Variants in TRIQK observed in about 807,000 individuals in gnomAD.
The protein encoded by TRIQK is triple QxxK/R motif-containing protein.
A neutral mutation model predicts 10.8 loss-of-function variants in TRIQK; 10 were observed. The ratio of observed to expected loss-of-function variants is 0.92; its 90% CI spans 0.57 to 1.57. The LOEUF (loss-of-function observed/expected upper bound fraction) is 1.57. Ranked by LOEUF, TRIQK falls within the 40% of genes most tolerant of loss-of-function variation. The pLI is 0.00. For synonymous variants in TRIQK, 33 were observed against 33.7 expected (o/e 0.98, Z 0.07); for missense variants, 107 against 97.7 (o/e 1.09, Z -0.40).
chr8:92,927,645 C>T (rs2130530220), intron 2 of TRIQK, among the ~76,000 whole-genome samples: 1 of 152,072 alleles, frequency 6.6e-6, no homozygotes, highest in South Asian at 2.1e-4. Context: ...AACTGAAAGA[C>T]CAGGATAATG....
intron 1 of TRIQK, among the ~76,000 whole-genome samples, chr8:92,996,157 T>A (rs1406775857): frequency 6.6e-6 from 1 of 152,074 alleles, no homozygotes; most frequent in Non-Finnish European, 1.5e-5. Flanking sequence ...TTGATTGTAC[T>A]TGGAATTAAA....
chr8:92,972,987 A>G (rs1429622216), intron 1 of TRIQK: 1 of 152,216 alleles, frequency 6.6e-6, no homozygotes, highest in Non-Finnish European at 1.5e-5. Flanking sequence ...GTTCTCTACT[A>G]TTTCTTGTGA....
At chr8:92,986,750 A>G (rs199584376) in intron 1 of TRIQK, among the ~76,000 whole-genome samples, 1 of 152,210 alleles carries the variant, frequency 6.6e-6, no homozygotes, top group East Asian at 1.9e-4. Context: ...CATGCTAAAG[A>G]AGGCAAAATC....
intron 1 of TRIQK, among the ~76,000 whole-genome samples, chr8:92,955,123 GAA>G (rs1812104133): frequency 6.6e-6 from 1 of 151,808 alleles, no homozygotes; most frequent in African/African-American, 2.4e-5. Flanking sequence ...GTCAGGCAAT[GAA>G]CTTATGTCAA....
intron 3 of TRIQK, among the ~76,000 whole-genome samples, chr8:92,904,639 G>A (rs1285653779): frequency 1.3e-5 from 2 of 152,044 alleles, no homozygotes; most frequent in Non-Finnish European, 2.9e-5. Flanking sequence ...GTCCTTACTG[G>A]AAAGGACAGC....
chr8:92,999,739 T>G (rs1813188953), intron 1 of TRIQK, among the ~76,000 whole-genome samples: 1 of 152,208 alleles, frequency 6.6e-6, no homozygotes, highest in South Asian at 2.1e-4. Context: ...TTGTTGTTCT[T>G]TTGATAAAGA....
intron 1 of TRIQK, among the ~76,000 whole-genome samples, chr8:92,979,920 G>A (rs942801600): frequency 6.6e-6 from 1 of 152,022 alleles, no homozygotes; most frequent in African/African-American, 2.4e-5. Context: ...AGATAGAGTT[G>A]CTTCTTCCCT....
At chr8:92,970,922 G>C (rs890124570), upstream of TRIQK, among the ~76,000 whole-genome samples, 4 of 152,076 alleles carry the variant, frequency 2.6e-5, no homozygotes, top group African/African-American at 2.4e-5. Flanking sequence ...GGTTTTTATA[G>C]TTTTGGGTTT....
chr8:92,961,447 G>A (rs1224836043), intron 1 of TRIQK, among the ~76,000 whole-genome samples: 2 of 151,996 alleles, frequency 1.3e-5, no homozygotes, highest in Non-Finnish European at 2.9e-5. Context: ...TGTGAATGAC[G>A]GCAACGTATT....
intron 2 of TRIQK, among the ~76,000 whole-genome samples, chr8:92,918,352 A>G (rs146595261): frequency 2.6e-4 from 39 of 151,792 alleles, no homozygotes; most frequent in African/African-American, 9.4e-4. Context: ...GTGTATGACC[A>G]TTTCCTTTTT....
At chr8:92,986,256 A>T (rs1813029242) in intron 1 of TRIQK, among the ~76,000 whole-genome samples, 1 of 152,092 alleles carries the variant, frequency 6.6e-6, no homozygotes, top group African/African-American at 2.4e-5. Context: ...AAGGCACCAC[A>T]TTATTTTGCC....
chr8:92,952,737 T>C (rs1811970822), intron 2 of TRIQK, among the ~76,000 whole-genome samples: 2 of 152,038 alleles, frequency 1.3e-5, no homozygotes, highest in Non-Finnish European at 2.9e-5. Context: ...CAGTCATTAA[T>C]TCAACTCATT....
intron 2 of TRIQK, among the ~76,000 whole-genome samples, chr8:92,946,774 T>TTC (rs1811556215): frequency 6.6e-6 from 1 of 151,036 alleles, no homozygotes; most frequent in African/African-American, 2.4e-5. Context: ...TTTTTTTTTT[T>TTC]TTCTGAGATG....
intron 1 of TRIQK, among the ~76,000 whole-genome samples, chr8:92,979,414 G>A (rs1204586194): frequency 6.6e-6 from 1 of 152,004 alleles, no homozygotes; most frequent in African/African-American, 2.4e-5. Flanking sequence ...ATTCCAGAAT[G>A]CCAGAGGTCA....
chr8:92,924,453 G>A (rs987306606), intron 2 of TRIQK, among the ~76,000 whole-genome samples: 23 of 151,922 alleles, frequency 1.5e-4, no homozygotes, highest in African/African-American at 5.6e-4. Flanking sequence ...GCTCATTCGT[G>A]TTTCCAGGAA....
At chr8:92,951,232 A>T (rs971030053) in intron 2 of TRIQK, among the ~76,000 whole-genome samples, 7 of 152,104 alleles carry the variant, frequency 4.6e-5, no homozygotes, top group African/African-American at 1.7e-4. Context: ...TACTAAAAAA[A>T]TCTATGATCT....
chr8:92,935,528 G>A (rs1474051894), intron 2 of TRIQK, among the ~76,000 whole-genome samples: 1 of 151,082 alleles, frequency 6.6e-6, no homozygotes, highest in East Asian at 1.9e-4. Context: ...ACAAAAGATT[G>A]AAAAATAATG....
At chr8:92,964,187 G>A (rs1485141829) in intron 1 of TRIQK, among the ~76,000 whole-genome samples, 2 of 152,100 alleles carry the variant, frequency 1.3e-5, no homozygotes, top group African/African-American at 4.8e-5. Flanking sequence ...CACTGTGGAA[G>A]AAAGGCAAAA....
chr8:92,959,509 ACACACACACACAC>A (rs1216962358), intron 1 of TRIQK, among the ~76,000 whole-genome samples: 1 of 151,630 alleles, frequency 6.6e-6, no homozygotes, highest in Non-Finnish European at 1.5e-5. Flanking sequence ...ACACACACAC[ACACACACACACAC>A]AAAATGGCTT....
Sources: allele counts gnomAD v4.1 joint callset (sites outside exome capture counted in the v4.1 genomes callset), GRCh38; gene constraint gnomAD v4.1.1; transcripts MANE v1.5; gene names NCBI Gene and HGNC (gene_info 2026-07-23, HGNC 2026-07-21).